ATRNL1: variants seen among roughly 807,000 people sequenced by gnomAD.
ATRNL1 encodes attractin-like protein 1.
ATRNL1 carries 95 observed loss-of-function variants against 182.7 expected under a neutral mutation model. That is an observed-to-expected ratio of 0.52 (90% CI 0.44 to 0.62). The LOEUF (loss-of-function observed/expected upper bound fraction) is 0.62. ATRNL1 is among the 20% of genes least tolerant of loss of function. ATRNL1 has a pLI of 0.00. For synonymous variants in ATRNL1, 576 were observed against 568.3 expected (o/e 1.01, Z -0.19); for missense variants, 1,471 against 1,679.5 (o/e 0.88, Z 2.17).
intron 26 of ATRNL1, among the ~76,000 whole-genome samples, chr10:115,671,872 T>G (rs74158232): frequency 0.012 from 1,767 of 152,212 alleles, 36 homozygotes; most frequent in African/African-American, 0.04. Context: ...GTATTTAGAG[T>G]TATTTTTGGA....
At chr10:115,883,220 A>C (rs2134445486) in intron 28 of ATRNL1, among the ~76,000 whole-genome samples, 1 of 152,338 alleles carries the variant, frequency 6.6e-6, no homozygotes, top group African/African-American at 2.4e-5. Context: ...CCAGTCTGCA[A>C]GCTCCAATGG....
chr10:115,370,085 A>G (rs1394025624), intron 19 of ATRNL1, among the ~76,000 whole-genome samples: 3 of 152,190 alleles, frequency 2.0e-5, no homozygotes, highest in Non-Finnish European at 1.5e-5. Context: ...GTTTCCCTGC[A>G]CAAAATCTTT....
At chr10:115,202,051 A>G (rs1385747004) in intron 8 of ATRNL1, among the ~76,000 whole-genome samples, 1 of 151,836 alleles carries the variant, frequency 6.6e-6, no homozygotes, top group Non-Finnish European at 1.5e-5. Flanking sequence ...TTGGTGTATA[A>G]GAATGCTTGT....
chr10:115,176,685 A>C (rs1231448019), intron 8 of ATRNL1, among the ~76,000 whole-genome samples: 1 of 152,090 alleles, frequency 6.6e-6, no homozygotes, highest in Non-Finnish European at 1.5e-5. Flanking sequence ...TTTGGGGCAA[A>C]GGTGTTTTAA....
chr10:115,313,195 A>G (rs1396711494), intron 17 of ATRNL1, among the ~76,000 whole-genome samples: 3 of 151,942 alleles, frequency 2.0e-5, no homozygotes, highest in South Asian at 4.1e-4. Flanking sequence ...TGGCAGTATT[A>G]TAAAACCCTA....
chr10:115,726,700 A>T (rs575479701), intron 26 of ATRNL1, among the ~76,000 whole-genome samples: 12 of 152,358 alleles, frequency 7.9e-5, no homozygotes, highest in East Asian at 3.9e-4. Flanking sequence ...GAACAAAATT[A>T]TAAACACTGC....
At chr10:115,098,732 C>A (rs1554863872) in intron 1 of ATRNL1, among the ~76,000 whole-genome samples, 1 of 152,082 alleles carries the variant, frequency 6.6e-6, no homozygotes. Flanking sequence ...GCTGGGATTA[C>A]AGGCGTGAGC....
At chr10:115,474,982 G>A (rs1220942119) in intron 24 of ATRNL1, among the ~76,000 whole-genome samples, 1 of 151,236 alleles carries the variant, frequency 6.6e-6, no homozygotes, top group Non-Finnish European at 1.5e-5. Flanking sequence ...GTGCACAGAT[G>A]CTTGCAAGCC....
chr10:115,909,222 C>G (rs1952594703), intron 28 of ATRNL1: 1 of 152,120 alleles, frequency 6.6e-6, no homozygotes, highest in East Asian at 1.9e-4. Context: ...GTGGCGTAGA[C>G]TTGTCAGACT....
chr10:115,547,248 C>G (rs1396116285), intron 25 of ATRNL1, among the ~76,000 whole-genome samples: 1 of 131,948 alleles, frequency 7.6e-6, no homozygotes, highest in African/African-American at 3.1e-5. Context: ...GAGTGAGACT[C>G]CATCTCAAAA....
chr10:115,098,068 A>T (rs1483500118), intron 1 of ATRNL1, among the ~76,000 whole-genome samples: 2 of 152,270 alleles, frequency 1.3e-5, no homozygotes, highest in African/African-American at 4.8e-5. Flanking sequence ...TGTCCCTAAG[A>T]CTTCTTTATT....
chr10:115,600,699 A>C (rs779093447), intron 26 of ATRNL1, among the ~76,000 whole-genome samples: 1 of 151,976 alleles, frequency 6.6e-6, no homozygotes, highest in Non-Finnish European at 1.5e-5. Flanking sequence ...GTATATTTTT[A>C]CTACCTTTCA....
chr10:115,325,211 A>G (rs1854808260), intron 18 of ATRNL1, among the ~76,000 whole-genome samples: 1 of 152,148 alleles, frequency 6.6e-6, no homozygotes, highest in African/African-American at 2.4e-5. Flanking sequence ...AATTTAGAGA[A>G]AATAGAATGG....
At chr10:115,538,180 C>G (rs1363448696) in intron 25 of ATRNL1, among the ~76,000 whole-genome samples, 1 of 152,188 alleles carries the variant, frequency 6.6e-6, no homozygotes, top group South Asian at 2.1e-4. Context: ...AAGTTTTACA[C>G]AAACATAAGT....
At chr10:115,515,835 T>C (rs993657417) in intron 24 of ATRNL1, among the ~76,000 whole-genome samples, 7 of 151,932 alleles carry the variant, frequency 4.6e-5, no homozygotes, top group Admixed American at 2.0e-4. Context: ...ATTTTCATCC[T>C]CGTCTTAACC....
At chr10:115,402,572 C>T (rs1554957250) in intron 20 of ATRNL1, among the ~76,000 whole-genome samples, 1 of 152,094 alleles carries the variant, frequency 6.6e-6, no homozygotes, top group Non-Finnish European at 1.5e-5. Context: ...ATATAAATGG[C>T]ACTCTTAGAT....
At chr10:115,706,340 T>G (rs1206452389) in intron 26 of ATRNL1, among the ~76,000 whole-genome samples, 1 of 151,874 alleles carries the variant, frequency 6.6e-6, no homozygotes, top group East Asian at 1.9e-4. Context: ...AAGAGCACTA[T>G]GATTACAGTT....
intron 10 of ATRNL1, among the ~76,000 whole-genome samples, chr10:115,259,752 G>A (rs1278497661): frequency 3.3e-5 from 5 of 152,092 alleles, no homozygotes; most frequent in Admixed American, 1.3e-4. Flanking sequence ...ATCTTGGAAC[G>A]CCTCTCCAGA....
chr10:115,270,319 T>A (rs1293239309), intron 13 of ATRNL1, among the ~76,000 whole-genome samples: 5 of 128,662 alleles, frequency 3.9e-5, no homozygotes, highest in South Asian at 2.3e-4. Context: ...ATATTATATA[T>A]AAATATATTT....
Sources: gnomAD v4.1 joint callset for allele counts (sites outside exome capture counted in the v4.1 genomes callset) on GRCh38, gnomAD v4.1.1 for gene constraint, MANE v1.5 for transcripts, NCBI Gene and HGNC (gene_info 2026-07-23, HGNC 2026-07-21) for gene names.